The following MAN1A1 variants were observed in gnomAD, a reference collection of about 807,000 sequenced individuals.
MAN1A1 encodes the protein mannosidase alpha class 1A member 1, also known as mannosyl-oligosaccharide 1,2-alpha-mannosidase IA.
MAN1A1 carries 29 observed loss-of-function variants against 70.8 expected under a neutral mutation model. That is an observed-to-expected ratio of 0.41 (90% confidence interval 0.31 to 0.56). The LOEUF is 0.56. Ranked by LOEUF, MAN1A1 falls within the 20% of genes least tolerant of loss-of-function variation. MAN1A1 has a pLI of 0.29. For synonymous variants in MAN1A1, 349 were observed against 330.1 expected (o/e 1.06, Z -0.62); for missense variants, 747 against 841.3 (o/e 0.89, Z 1.39).
intron 9 of MAN1A1, among the ~76,000 whole-genome samples, 161 bp from the exon 10 acceptor site, chr6:119,190,044 T>C (rs916018431): frequency 2.0e-5 from 3 of 152,238 alleles, no homozygotes; most frequent in Admixed American, 6.5e-5. Context: ...GCTTTCTGTA[T>C]TCCTCCTCTA....
intron 2 of MAN1A1, among the ~76,000 whole-genome samples, chr6:119,341,607 T>C (rs2114508959): frequency 6.6e-6 from 1 of 152,280 alleles, no homozygotes; most frequent in Non-Finnish European, 1.5e-5. Flanking sequence ...AAGACCAAAC[T>C]CTCTGAGCTA....
intron 6 of MAN1A1, among the ~76,000 whole-genome samples, chr6:119,238,150 G>C (rs1387699292): frequency 6.6e-6 from 1 of 152,146 alleles, no homozygotes; most frequent in African/African-American, 2.4e-5. Flanking sequence ...AAGGTACCAT[G>C]CTGACTTTGT....
intron 2 of MAN1A1, among the ~76,000 whole-genome samples, chr6:119,345,903 C>T (rs961069156): frequency 2.6e-5 from 4 of 152,158 alleles, no homozygotes; most frequent in Non-Finnish European, 5.9e-5. Context: ...AGGTCAAGTT[C>T]GTGACCAGCC....
At chr6:119,180,985 A>C (rs1171355281) in intron 11 of MAN1A1, among the ~76,000 whole-genome samples, 1 of 152,020 alleles carries the variant, frequency 6.6e-6, no homozygotes, top group Non-Finnish European at 1.5e-5. Flanking sequence ...TTTTGGAAAA[A>C]TTTTTCACTG....
At chr6:119,243,627 A>G (rs1021354423) in intron 6 of MAN1A1, among the ~76,000 whole-genome samples, 2 of 152,116 alleles carry the variant, frequency 1.3e-5, no homozygotes, top group Non-Finnish European at 2.9e-5. Flanking sequence ...TTTCACTATT[A>G]GAAGACAGGC....
chr6:119,309,780 T>G (rs1335713063), intron 2 of MAN1A1, among the ~76,000 whole-genome samples: 5 of 151,862 alleles, frequency 3.3e-5, no homozygotes, highest in African/African-American at 1.2e-4. Context: ...TTGCAACCCA[T>G]TATTTTAACC....
At chr6:119,258,397 T>C (rs972385643) in intron 5 of MAN1A1, among the ~76,000 whole-genome samples, 5 of 152,216 alleles carry the variant, frequency 3.3e-5, no homozygotes, top group Non-Finnish European at 7.4e-5. Flanking sequence ...TGAACACGTA[T>C]AGACTTGTCA....
intron 2 of MAN1A1, among the ~76,000 whole-genome samples, chr6:119,310,022 TG>T (rs1772656216): frequency 6.6e-6 from 1 of 152,202 alleles, no homozygotes; most frequent in South Asian, 2.1e-4. Context: ...TGATAATGTA[TG>T]GAAACATAAG....
intron 5 of MAN1A1, among the ~76,000 whole-genome samples, chr6:119,272,733 T>C (rs1444410853): frequency 1.3e-5 from 2 of 152,180 alleles, no homozygotes; most frequent in Non-Finnish European, 2.9e-5. Context: ...TTTCGATTGA[T>C]TTATGAATGT....
At chr6:119,211,674 C>T (rs561968842) in intron 6 of MAN1A1, among the ~76,000 whole-genome samples, 1 of 152,190 alleles carries the variant, frequency 6.6e-6, no homozygotes, top group African/African-American at 2.4e-5. Context: ...GAAGTGACTT[C>T]TAAGAGTCAA....
chr6:119,349,855 G>C (rs1773857616), upstream of MAN1A1: 2 of 667,602 alleles, frequency 3.0e-6, no homozygotes, highest in Non-Finnish European at 3.7e-6. Context: ...GCCGCCCAGG[G>C]TCCCGCGGGG....
At chr6:119,322,350 C>G (rs1773031263) in intron 2 of MAN1A1, among the ~76,000 whole-genome samples, 1 of 152,138 alleles carries the variant, frequency 6.6e-6, no homozygotes, top group African/African-American at 2.4e-5. Context: ...GGGCCCTGCT[C>G]AGCTTAGACC....
At chr6:119,281,592 G>C (rs1776226149) in intron 5 of MAN1A1, among the ~76,000 whole-genome samples, 1 of 152,220 alleles carries the variant, frequency 6.6e-6, no homozygotes, top group Admixed American at 6.5e-5. Context: ...TCTGAAGGAA[G>C]GATGATGAGA....
At chr6:119,252,954 T>A (rs1470263015) in intron 5 of MAN1A1, among the ~76,000 whole-genome samples, 4 of 152,058 alleles carry the variant, frequency 2.6e-5, no homozygotes, top group African/African-American at 9.7e-5. Context: ...TGGATGTTGA[T>A]CATTCTATGG....
At position 119,349,128 on chromosome 6, in the gene MAN1A1, G is replaced by T. The variant is rs923829848; in HGVS notation, c.-63C>A. The T allele has an allele frequency of 1.6e-6, 2 of 1,258,292 alleles. No individual in the cohort carries two copies. Among genetic ancestry groups the T allele is most frequent in the Non-Finnish European group, 1.0e-6 (1 of 1,003,894 alleles). 77.9% of individuals were successfully genotyped at this position (1,258,292 alleles called of 1,614,324 possible). On this transcript the variant is annotated 5_prime_UTR_variant, in exon 2 of 13. Transcript: ENST00000368468. ...AGCAGCCAAACTTCGCCGCCGCTGG[G>T]AGTCCGCGGCTGCGGGGCTGGGTCC... is the stretch of plus-strand genomic sequence containing the variant.
Position 119,253,660 on chromosome 6 carries a change from T to C in MAN1A1, c.898-5306A>G, listed in dbSNP as rs139954324. Among the ~76,000 whole-genome samples, 3 of 152,332 alleles carry C rather than the reference T, an allele frequency of 2.0e-5. No individual in the cohort carries two copies. In the East Asian group the frequency reaches 5.8e-4, roughly 29 times the overall value. Reference sequence around the variant, plus strand: ...TTTCTTGTTGGCAAAAATGTGTTGATTGTAATGGTTCCTATTTGATTAATA... The same window carrying C: ...TTTCTTGTTGGCAAAAATGTGTTGACTGTAATGGTTCCTATTTGATTAATA... On this transcript the variant is annotated intron_variant, in intron 5 of 12. Coordinates refer to ENST00000368468, the MANE Select transcript of MAN1A1 (RefSeq NM_005907.4).
chr6:119,199,007 C>T (rs182935071), intron 8 of MAN1A1, among the ~76,000 whole-genome samples: 1 of 152,296 alleles, frequency 6.6e-6, no homozygotes, highest in Non-Finnish European at 1.5e-5. Flanking sequence ...TTGTACTTTA[C>T]ACAGATTGTT....
intron 5 of MAN1A1, among the ~76,000 whole-genome samples, chr6:119,278,529 G>A (rs9489655): frequency 0.041 from 6,281 of 152,104 alleles, 146 homozygotes; most frequent in African/African-American, 0.054. Flanking sequence ...CAGTATTAAA[G>A]ATCACTTCAC....
intron 8 of MAN1A1, among the ~76,000 whole-genome samples, chr6:119,195,083 A>G (rs1025277555): frequency 2.0e-5 from 3 of 152,114 alleles, no homozygotes; most frequent in Admixed American, 2.0e-4. Context: ...TGCCTGCCTC[A>G]GCCTCCCAAA....
Sources: allele counts gnomAD v4.1 joint callset (sites outside exome capture counted in the v4.1 genomes callset), GRCh38; gene constraint gnomAD v4.1.1; transcripts MANE v1.5; gene names NCBI Gene and HGNC (gene_info 2026-07-23, HGNC 2026-07-21).